RIC1: variants seen among roughly 807,000 people sequenced by gnomAD.
RIC1 encodes guanine nucleotide exchange factor subunit RIC1.
Under a neutral mutation model 169.0 loss-of-function variants are expected in RIC1, and 88 were observed. That is an observed-to-expected ratio of 0.52 (90% CI 0.44 to 0.62). The LOEUF is 0.62. Among genes scored for constraint, RIC1 ranks in the 20% least tolerant of loss-of-function variants. The pLI is 0.00. For missense variants in RIC1, 1,877 were observed against 1,725.5 expected (o/e 1.09, Z -1.56); for synonymous variants, 790 against 601.5 (o/e 1.31, Z -4.59).
At chr9:5,645,521 T>G (rs1717372922) in intron 1 of RIC1, among the ~76,000 whole-genome samples, 1 of 152,226 alleles carries the variant, frequency 6.6e-6, no homozygotes, top group South Asian at 2.1e-4. Flanking sequence ...TTTCCCAAAC[T>G]GAAGCTTCGT....
chr9:5,689,708 G>GAGT (rs1244213725), intron 2 of RIC1, among the ~76,000 whole-genome samples: 1 of 152,112 alleles, frequency 6.6e-6, no homozygotes, highest in Non-Finnish European at 1.5e-5. Flanking sequence ...AGTTACTTGA[G>GAGT]AGTATGCATG....
At chr9:5,712,766 T>C (rs1823009903) in intron 3 of RIC1, 1 of 152,234 alleles carries the variant, frequency 6.6e-6, no homozygotes, top group South Asian at 2.1e-4. Context: ...GTGACTCCTA[T>C]AAACTAATTA....
chr9:5,725,712 C>G (rs147146384), intron 6 of RIC1, among the ~76,000 whole-genome samples: 254 of 152,138 alleles, frequency 1.7e-3, no homozygotes, highest in African/African-American at 5.6e-3. Context: ...ATAAATTTCC[C>G]TCTACACACT....
At position 5,679,766 on chromosome 9, in the gene RIC1, T is replaced by C. The variant is rs1444080011; in HGVS notation, c.253-10193T>C. Among the ~76,000 whole-genome samples, 11 of 152,352 alleles carry C rather than the reference T, an allele frequency of 7.2e-5. No individual in the cohort carries two copies. In the South Asian group the frequency reaches 8.3e-4, roughly 11 times the overall value. Reference sequence around the variant, plus strand: ...CTGATACGATGGGGTTTTCTAGATATACAATCATGTCATCTGCAGACAGGG... The same window carrying C: ...CTGATACGATGGGGTTTTCTAGATACACAATCATGTCATCTGCAGACAGGG... On this transcript the variant is annotated intron_variant, in intron 2 of 25. Transcript: ENST00000414202.
chr9:5,661,259 A>G (rs1171791554), intron 2 of RIC1, among the ~76,000 whole-genome samples: 1 of 152,164 alleles, frequency 6.6e-6, no homozygotes, highest in Non-Finnish European at 1.5e-5. Context: ...GTTTTAAGTC[A>G]GGTAGCATGA....
At chr9:5,765,908 GTTTC>G in intron 21 of RIC1, 110 bp downstream of exon 21, 2 of 1,356,812 alleles carry the variant, frequency 1.5e-6, no homozygotes, top group Non-Finnish European at 2.0e-6. Context: ...TCCAATTGCA[GTTTC>G]TTTTTCCATT....
chr9:5,692,002 T>G (rs1821615693), intron 3 of RIC1, among the ~76,000 whole-genome samples: 1 of 152,116 alleles, frequency 6.6e-6, no homozygotes. Context: ...AGACACCAGT[T>G]AACTAAGTAG....
intron 2 of RIC1, among the ~76,000 whole-genome samples, chr9:5,659,159 T>G (rs892089922): frequency 6.6e-6 from 1 of 152,178 alleles, no homozygotes; most frequent in Non-Finnish European, 1.5e-5. Flanking sequence ...AGAACTATTC[T>G]TTTCCCATTG....
intron 7 of RIC1, among the ~76,000 whole-genome samples, chr9:5,733,390 A>G (rs1003754816): frequency 2.0e-5 from 3 of 151,082 alleles, no homozygotes; most frequent in Admixed American, 2.0e-4. Context: ...CAGCCTCCCG[A>G]GTAGCTGGGA....
At chr9:5,644,466 G>A (rs567624291) in intron 1 of RIC1, among the ~76,000 whole-genome samples, 3 of 152,224 alleles carry the variant, frequency 2.0e-5, no homozygotes, top group East Asian at 1.9e-4. Context: ...TAAAGTCTGG[G>A]CTTTTAGTGT....
chr9:5,680,812 T>C (rs987608448), intron 2 of RIC1, among the ~76,000 whole-genome samples: 2 of 137,906 alleles, frequency 1.5e-5, no homozygotes, highest in African/African-American at 2.7e-5. Flanking sequence ...CCTGCAGTCA[T>C]TGATTTTTTT....
chr9:5,654,805 G>T (rs1367874932), intron 1 of RIC1, among the ~76,000 whole-genome samples: 2 of 152,128 alleles, frequency 1.3e-5, no homozygotes, highest in Non-Finnish European at 2.9e-5. Flanking sequence ...TGCCTGCCTT[G>T]GCCTTTCAAA....
intron 1 of RIC1, among the ~76,000 whole-genome samples, chr9:5,635,610 T>C (rs1347123372): frequency 6.6e-6 from 1 of 152,224 alleles, no homozygotes; most frequent in Non-Finnish European, 1.5e-5. Context: ...GAAATCAGGT[T>C]GATATGGTTT....
chr9:5,770,431 C>G (rs996106176), intron 23 of RIC1, among the ~76,000 whole-genome samples, 153 bp downstream of exon 23: 2 of 152,142 alleles, frequency 1.3e-5, no homozygotes, highest in African/African-American at 4.8e-5. Flanking sequence ...TAGAACAAGG[C>G]CAAACTGGCC....
intron 17 of RIC1, among the ~76,000 whole-genome samples, chr9:5,760,822 T>G (rs1047764007): frequency 1.3e-5 from 2 of 152,172 alleles, no homozygotes; most frequent in African/African-American, 2.4e-5. Context: ...CTAGAATATA[T>G]AGGGTGGCTG....
intron 2 of RIC1, among the ~76,000 whole-genome samples, chr9:5,688,979 T>C (rs1821425809): frequency 6.6e-6 from 1 of 152,046 alleles, no homozygotes; most frequent in South Asian, 2.1e-4. Flanking sequence ...ACTTCACAAA[T>C]GTATGTATGT....
intron 10 of RIC1, among the ~76,000 whole-genome samples, chr9:5,744,823 C>A (rs1208912846): frequency 6.6e-6 from 1 of 152,078 alleles, no homozygotes; most frequent in African/African-American, 2.4e-5. Flanking sequence ...AGATATAAAA[C>A]CCCTGTCTTT....
At chr9:5,678,593 G>T (rs1820602479) in intron 2 of RIC1, among the ~76,000 whole-genome samples, 1 of 152,036 alleles carries the variant, frequency 6.6e-6, no homozygotes, top group African/African-American at 2.4e-5. Context: ...TTTCTCTGAT[G>T]GCCAGTGATG....
chr9:5,708,956 A>C (rs1373853327), intron 3 of RIC1, among the ~76,000 whole-genome samples: 2 of 151,876 alleles, frequency 1.3e-5, no homozygotes, highest in Non-Finnish European at 2.9e-5. Context: ...TTCCATAGTT[A>C]ATGAAATCAC....
Sources: gnomAD v4.1 joint callset for allele counts (sites outside exome capture counted in the v4.1 genomes callset) on GRCh38, gnomAD v4.1.1 for gene constraint, MANE v1.5 for transcripts, NCBI Gene and HGNC (gene_info 2026-07-23, HGNC 2026-07-21) for gene names.